PAX5: variants seen among roughly 807,000 people sequenced by gnomAD.
The protein encoded by PAX5 is paired box 5, also known as paired box protein Pax-5.
PAX5 carries 9 observed loss-of-function variants against 43.7 expected under a neutral mutation model. The ratio of observed to expected loss-of-function variants is 0.21; its 90% CI spans 0.12 to 0.36. The LOEUF is 0.36. Ranked by LOEUF, PAX5 falls within the 10% of genes least tolerant of loss-of-function variation. The pLI is 1.00. For synonymous variants in PAX5, 228 were observed against 214.3 expected (o/e 1.06, Z -0.56); for missense variants, 383 against 532.7 (o/e 0.72, Z 2.77).
chr9:36,890,631 G>T (rs552448541), intron 7 of PAX5, among the ~76,000 whole-genome samples: 1 of 152,078 alleles, frequency 6.6e-6, no homozygotes, highest in Non-Finnish European at 1.5e-5. Flanking sequence ...TCCATAAGTC[G>T]GTGGCATCAT....
chr9:37,031,556 C>T (rs1376473669), intron 1 of PAX5, among the ~76,000 whole-genome samples: 1 of 152,074 alleles, frequency 6.6e-6, no homozygotes, highest in Non-Finnish European at 1.5e-5. Flanking sequence ...CAAGGGGGTC[C>T]ATGGAGAGAG....
intron 7 of PAX5, among the ~76,000 whole-genome samples, chr9:36,886,200 C>T (rs569312082): frequency 1.4e-4 from 22 of 152,266 alleles, no homozygotes; most frequent in Admixed American, 1.3e-3. Flanking sequence ...CAAGAATAAA[C>T]GATTACTGTG....
At chr9:36,878,581 C>T (rs1033866417) in intron 8 of PAX5, among the ~76,000 whole-genome samples, 2 of 152,202 alleles carry the variant, frequency 1.3e-5, no homozygotes, top group Admixed American at 1.3e-4. Flanking sequence ...GTGTGCTGGG[C>T]ACCAGACAGC....
At chr9:36,945,403 A>T (rs1300683158) in intron 6 of PAX5, among the ~76,000 whole-genome samples, 2 of 152,090 alleles carry the variant, frequency 1.3e-5, no homozygotes, top group Non-Finnish European at 2.9e-5. Context: ...CACCATGCCC[A>T]GCTAATTTTT....
chr9:37,011,128 CAAAAA>C lies in PAX5; in HGVS notation c.410+3864_410+3868del, dbSNP rs1225031293. ...AGAGTGAGACCCTGTCTCAAAAAAA[CAAAAA>C]AAAAAAAAAAAAAAGAAAGAGGAAA... is the stretch of plus-strand genomic sequence containing the variant. On this transcript the variant is annotated intron_variant, in intron 3 of 9. Coordinates refer to ENST00000358127, the MANE Select transcript of PAX5 (RefSeq NM_016734.3). Among the ~76,000 whole-genome samples, 3 of 100,950 alleles carry C rather than the reference CAAAAA, an allele frequency of 3.0e-5. No individual in the cohort carries two copies. The East Asian group carries it at 8.4e-4, about 28-fold the overall frequency. The allele number at this position is 100,950 out of a possible 152,430, so 66.2% of individuals were successfully genotyped here.
chr9:36,870,007 A>G (rs868821690), intron 8 of PAX5, among the ~76,000 whole-genome samples: 96 of 10,752 alleles, frequency 8.9e-3, no homozygotes, highest in Non-Finnish European at 0.01. Context: ...TGGATGGATA[A>G]ATGGATGGAT....
At chr9:36,883,249 C>T (rs1358548913) in intron 7 of PAX5, among the ~76,000 whole-genome samples, 2 of 152,162 alleles carry the variant, frequency 1.3e-5, no homozygotes, top group African/African-American at 4.8e-5. Context: ...GCTGCTGTTA[C>T]ACATGCTTTA....
At chr9:37,018,021 G>T (rs922055304) in intron 2 of PAX5, among the ~76,000 whole-genome samples, 1 of 152,170 alleles carries the variant, frequency 6.6e-6, no homozygotes, top group Non-Finnish European at 1.5e-5. Context: ...GTAATCAAGA[G>T]GTGTAGGTGG....
chr9:37,023,693 G>A (rs1304189276), intron 1 of PAX5, among the ~76,000 whole-genome samples: 6 of 152,146 alleles, frequency 3.9e-5, no homozygotes, highest in Admixed American at 3.9e-4. Flanking sequence ...CAAAGACCAT[G>A]GCTGAGCATA....
chr9:36,977,086 T>C (rs541713904), intron 5 of PAX5, among the ~76,000 whole-genome samples: 1 of 152,254 alleles, frequency 6.6e-6, no homozygotes, highest in East Asian at 1.9e-4. Context: ...GTGCGATAAG[T>C]GCTAGGAGCC....
chr9:36,947,133 G>C (rs1306209063), intron 6 of PAX5, among the ~76,000 whole-genome samples: 2 of 152,166 alleles, frequency 1.3e-5, no homozygotes, highest in African/African-American at 4.8e-5. Flanking sequence ...AAATATGCCT[G>C]TTCCTAAAAT....
intron 7 of PAX5, among the ~76,000 whole-genome samples, chr9:36,913,014 T>G (rs924725070): frequency 6.6e-6 from 1 of 152,198 alleles, no homozygotes; most frequent in Admixed American, 6.5e-5. Flanking sequence ...CCTGTTCCAG[T>G]GCTCTTTCCC....
In PAX5 at chr9:37,034,096, T is replaced by TTA; in HGVS notation, c.-66_-65insTA. On this transcript the variant is annotated 5_prime_UTR_variant, in exon 1 of 10. Transcript: ENST00000358127. ...TTTCCACTTTTTTGTGCCTTTTTTT[T>TTA]TCTTTTTTTTTTTTTTTTTTTTTTT... 5.5e-6 allele frequency: 4 copies of TTA among 727,036 alleles called. No homozygotes were observed. Among genetic ancestry groups the TTA allele is most frequent in the Non-Finnish European group, 6.6e-6 (3 of 456,916 alleles). The allele number at this position is 727,036 out of a possible 1,614,324, so 45.0% of individuals were successfully genotyped here. A position where few individuals can be genotyped will look rare whatever the true frequency, so the allele number is the denominator to read the frequency against.
intron 5 of PAX5, among the ~76,000 whole-genome samples, chr9:36,993,922 G>A (rs1217693529): frequency 6.6e-6 from 1 of 152,186 alleles, no homozygotes; most frequent in African/African-American, 2.4e-5. Flanking sequence ...CCACCCCATG[G>A]GAAAAGGAAC....
chr9:36,996,364 G>C (rs1837399446), intron 5 of PAX5, among the ~76,000 whole-genome samples: 1 of 152,264 alleles, frequency 6.6e-6, no homozygotes, highest in Non-Finnish European at 1.5e-5. Context: ...TGGAGGTGCA[G>C]AGAGATTAAG....
rs777949471 is a variant in PAX5 at position 36,868,397 on chromosome 9, C to T, written c.1012+13607G>A. Among the ~76,000 whole-genome samples the T allele has an allele frequency of 4.6e-5, 7 of 152,344 alleles. No individual in the cohort carries two copies. The East Asian group carries it at 5.8e-4, about 13-fold the overall frequency. On this transcript the variant is annotated intron_variant, in intron 8 of 9. Transcript: ENST00000358127. ...CCTGACCTCAGACGCAGCCAGGAGA[C>T]GGGCGCACGGGGTCTCTATGGCAGA...
chr9:36,948,541 G>C (rs990482276), intron 6 of PAX5, among the ~76,000 whole-genome samples: 6 of 152,138 alleles, frequency 3.9e-5, no homozygotes, highest in African/African-American at 7.2e-5. Flanking sequence ...AGATTTCTTA[G>C]CTCCTCAGGC....
chr9:36,896,265 G>T (rs1273044792), intron 7 of PAX5, among the ~76,000 whole-genome samples: 1 of 152,096 alleles, frequency 6.6e-6, no homozygotes, highest in African/African-American at 2.4e-5. Context: ...CAGTGCCTCA[G>T]CTGGTCCAGG....
At chr9:36,849,329 CT>C (rs562361846) in intron 8 of PAX5, among the ~76,000 whole-genome samples, 105 of 152,252 alleles carry the variant, frequency 6.9e-4, no homozygotes, top group Non-Finnish European at 1.2e-3. Context: ...CTCTTTCCTG[CT>C]TTTTTTTCTC....
Sources: allele counts gnomAD v4.1 joint callset (sites outside exome capture counted in the v4.1 genomes callset), GRCh38; gene constraint gnomAD v4.1.1; transcripts MANE v1.5; gene names NCBI Gene and HGNC (gene_info 2026-07-23, HGNC 2026-07-21).